INPP4B: variants seen among roughly 807,000 people sequenced by gnomAD.
The protein encoded by INPP4B is inositol polyphosphate 4-phosphatase type II.
INPP4B carries 55 observed loss-of-function variants against 122.5 expected under a neutral mutation model. That is an observed-to-expected ratio of 0.45 (90% CI 0.36 to 0.56). The LOEUF (loss-of-function observed/expected upper bound fraction) is 0.56. Ranked by LOEUF, INPP4B falls within the 20% of genes least tolerant of loss-of-function variation. The pLI is 0.00. For synonymous variants in INPP4B, 403 were observed against 388.7 expected, an observed-to-expected ratio of 1.04 and a Z score of -0.43; for missense variants, 1,000 against 1,097.7, an observed-to-expected ratio of 0.91 and a Z score of 1.26.
chr4:142,344,765 A>G (rs904737785), intron 7 of INPP4B, among the ~76,000 whole-genome samples: 10 of 151,986 alleles, frequency 6.6e-5, no homozygotes, highest in Admixed American at 6.6e-4. Context: ...ATGCATGGAC[A>G]TAGGTTTAGT....
intron 2 of INPP4B, among the ~76,000 whole-genome samples, chr4:142,715,025 C>T (rs974021160): frequency 6.6e-6 from 1 of 152,152 alleles, no homozygotes; most frequent in Non-Finnish European, 1.5e-5. Context: ...GTAGTCTTTT[C>T]ATGTGAATAT....
At chr4:142,303,957 T>C (rs532742140) in intron 9 of INPP4B, among the ~76,000 whole-genome samples, 1 of 152,278 alleles carries the variant, frequency 6.6e-6, no homozygotes, top group Non-Finnish European at 1.5e-5. Context: ...GCTTGTCCCC[T>C]GATTTCTGTT....
At chr4:142,206,982 C>G (rs1223369698) in intron 14 of INPP4B, among the ~76,000 whole-genome samples, 1 of 152,192 alleles carries the variant, frequency 6.6e-6, no homozygotes, top group Middle Eastern at 3.4e-3. Flanking sequence ...CCCTGGAAAC[C>G]ACCATTATAC....
intron 14 of INPP4B, among the ~76,000 whole-genome samples, chr4:142,196,544 C>G (rs946870913): frequency 3.3e-5 from 5 of 152,122 alleles, no homozygotes; most frequent in African/African-American, 9.7e-5. Flanking sequence ...TCTAACAATT[C>G]TGTTACAAAA....
chr4:142,446,064 G>C (rs1220969363), intron 3 of INPP4B, among the ~76,000 whole-genome samples: 1 of 151,770 alleles, frequency 6.6e-6, no homozygotes, highest in Non-Finnish European at 1.5e-5. Context: ...AGAAAAGAAG[G>C]TCTCAAATCA....
intron 11 of INPP4B, among the ~76,000 whole-genome samples, chr4:142,241,168 T>C (rs1322478920): frequency 6.6e-6 from 1 of 152,180 alleles, no homozygotes; most frequent in Non-Finnish European, 1.5e-5. Context: ...CTTATCTCAA[T>C]AACTATGTAA....
intron 11 of INPP4B, among the ~76,000 whole-genome samples, chr4:142,238,974 G>A (rs1857906468): frequency 6.6e-6 from 1 of 152,006 alleles, no homozygotes; most frequent in Non-Finnish European, 1.5e-5. Context: ...TTACAATAAG[G>A]CTAATTAAAA....
intron 2 of INPP4B, among the ~76,000 whole-genome samples, chr4:142,624,190 A>G (rs1459372489): frequency 3.3e-5 from 5 of 151,918 alleles, no homozygotes; most frequent in African/African-American, 9.7e-5. Flanking sequence ...CACCAACAGT[A>G]TAAAGTGTTC....
chr4:142,110,678 T>C (rs1789567351), intron 22 of INPP4B, among the ~76,000 whole-genome samples: 2 of 152,236 alleles, frequency 1.3e-5, no homozygotes, highest in South Asian at 4.1e-4. Flanking sequence ...ATTTTGCTCC[T>C]TTTCCAGTCT....
intron 25 of INPP4B, among the ~76,000 whole-genome samples, chr4:142,037,720 T>C (rs995688409): frequency 2.0e-5 from 3 of 152,192 alleles, no homozygotes; most frequent in African/African-American, 7.2e-5. Flanking sequence ...ATTCATCTGA[T>C]GGATCAATAT....
At chr4:142,627,247 C>T (rs543997304) in intron 2 of INPP4B, among the ~76,000 whole-genome samples, 1 of 151,672 alleles carries the variant, frequency 6.6e-6, no homozygotes, top group Non-Finnish European at 1.5e-5. Context: ...CCTTTATTTC[C>T]TTCTCCTGCC....
intron 5 of INPP4B, chr4:142,423,966 T>G (rs991695713): frequency 3.1e-6 from 1 of 317,904 alleles, no homozygotes; most frequent in Admixed American, 4.4e-5. Flanking sequence ...TTTCTATATG[T>G]AGCTTGTATA....
chr4:142,401,241 C>T (rs892047436), intron 7 of INPP4B, among the ~76,000 whole-genome samples: 11 of 152,086 alleles, frequency 7.2e-5, no homozygotes, highest in Admixed American at 7.2e-4. Context: ...ACTTCTCTCT[C>T]TCCTCTGGCA....
At chr4:142,388,647 G>A (rs974295188) in intron 7 of INPP4B, among the ~76,000 whole-genome samples, 25 of 152,268 alleles carry the variant, frequency 1.6e-4, no homozygotes, top group African/African-American at 5.8e-4. Context: ...ACTTGGGAAG[G>A]TATTAGAGAT....
intron 1 of INPP4B, among the ~76,000 whole-genome samples, chr4:142,814,532 C>T (rs1282381644): frequency 6.6e-6 from 1 of 151,974 alleles, no homozygotes; most frequent in Non-Finnish European, 1.5e-5. Context: ...TGTTTTTCTC[C>T]AAAATCATTT....
intron 2 of INPP4B, among the ~76,000 whole-genome samples, chr4:142,710,129 A>G (rs1007248616): frequency 6.6e-6 from 1 of 152,196 alleles, no homozygotes; most frequent in African/African-American, 2.4e-5. Context: ...TCTCCATCTC[A>G]GAGGTCATAG....
At chr4:142,053,374 G>T (rs1435641552) in intron 25 of INPP4B, among the ~76,000 whole-genome samples, 2 of 152,228 alleles carry the variant, frequency 1.3e-5, no homozygotes, top group South Asian at 4.1e-4. Context: ...AGAACCTGAA[G>T]AGAGATGGTG....
chr4:142,227,856 T>TAAAAAAAA (rs60375355), intron 12 of INPP4B, among the ~76,000 whole-genome samples: 4 of 34,216 alleles, frequency 1.2e-4, no homozygotes, highest in African/African-American at 2.1e-4. Flanking sequence ...AGACTCTATC[T>TAAAAAAAA]AAAAAAAAAA....
At chr4:142,140,148 G>A (rs1806991727) in intron 18 of INPP4B, among the ~76,000 whole-genome samples, 1 of 152,238 alleles carries the variant, frequency 6.6e-6, no homozygotes, top group Non-Finnish European at 1.5e-5. Context: ...TCTAAGCAAT[G>A]ATATGTGGAC....
Sources: allele counts gnomAD v4.1 joint callset (sites outside exome capture counted in the v4.1 genomes callset), GRCh38; gene constraint gnomAD v4.1.1; transcripts MANE v1.5; gene names NCBI Gene and HGNC (gene_info 2026-07-23, HGNC 2026-07-21).